The following KCNH1 variants were observed in gnomAD, a reference collection of about 807,000 sequenced individuals.
KCNH1 encodes voltage-gated delayed rectifier potassium channel KCNH1.
KCNH1 carries 27 observed loss-of-function variants against 69.2 expected under a neutral mutation model. The observed-to-expected ratio is 0.39, with a 90% CI of 0.29 to 0.54. The LOEUF (loss-of-function observed/expected upper bound fraction) is 0.54, where lower values mean the gene tolerates loss of function less well. Among genes scored for constraint, KCNH1 ranks in the 20% least tolerant of loss-of-function variants. The pLI, the probability that KCNH1 is intolerant of heterozygous loss-of-function variation, is 0.68. For missense variants in KCNH1, 798 were observed against 1,261.6 expected (o/e 0.63, Z 5.57); for synonymous variants, 456 against 487.7 (o/e 0.93, Z 0.86).
chr1:210,924,396 A>G (rs1687526199), intron 6 of KCNH1, among the ~76,000 whole-genome samples: 1 of 152,230 alleles, frequency 6.6e-6, no homozygotes, highest in African/African-American at 2.4e-5. Context: ...TGAAACAATA[A>G]AAAACAAGCA....
chr1:210,712,906 A>AC (rs1325137889), intron 10 of KCNH1, among the ~76,000 whole-genome samples: 1 of 151,418 alleles, frequency 6.6e-6, no homozygotes, highest in Non-Finnish European at 1.5e-5. Context: ...GCCTTTCCCC[A>AC]CCCCTAGTCC....
intron 5 of KCNH1, among the ~76,000 whole-genome samples, chr1:211,054,695 A>G (rs1690271274): frequency 6.6e-6 from 1 of 152,222 alleles, no homozygotes; most frequent in African/African-American, 2.4e-5. Flanking sequence ...GAAGCAGTTA[A>G]AGTTATTAGC....
intron 10 of KCNH1, among the ~76,000 whole-genome samples, chr1:210,739,872 C>G (rs903439698): frequency 6.6e-6 from 1 of 152,120 alleles, no homozygotes; most frequent in Non-Finnish European, 1.5e-5. Context: ...CAACACAAAC[C>G]CAGTTGAATT....
At chr1:211,099,255 A>G (rs1691214443) in intron 3 of KCNH1, among the ~76,000 whole-genome samples, 1 of 152,166 alleles carries the variant, frequency 6.6e-6, no homozygotes. Flanking sequence ...CAAAAAGGAA[A>G]CACATCAAAG....
intron 7 of KCNH1, among the ~76,000 whole-genome samples, chr1:210,847,832 A>G (rs1466480906): frequency 6.6e-6 from 1 of 152,112 alleles, no homozygotes; most frequent in South Asian, 2.1e-4. Context: ...AAAAAAAGAA[A>G]TTTTTTAGCA....
intron 10 of KCNH1, among the ~76,000 whole-genome samples, chr1:210,715,825 T>A (rs1682219216): frequency 6.6e-6 from 1 of 152,072 alleles, no homozygotes; most frequent in African/African-American, 2.4e-5. Flanking sequence ...TGGGAGTGAC[T>A]GGGATAGGAG....
At chr1:210,688,321 C>A (rs1415071747) in intron 10 of KCNH1, among the ~76,000 whole-genome samples, 1 of 152,182 alleles carries the variant, frequency 6.6e-6, no homozygotes, top group Non-Finnish European at 1.5e-5. Flanking sequence ...GACCTCTTGT[C>A]TCTAACTCAT....
intron 6 of KCNH1, among the ~76,000 whole-genome samples, chr1:210,972,074 T>C (rs1688521345): frequency 1.3e-5 from 2 of 152,136 alleles, no homozygotes; most frequent in South Asian, 4.1e-4. Flanking sequence ...CTAAGTTCTA[T>C]TTATGCTACA....
intron 7 of KCNH1, chr1:210,861,511 T>C: frequency 1.3e-6 from 1 of 774,040 alleles, no homozygotes; most frequent in Non-Finnish European, 2.4e-6. Flanking sequence ...ATTTCCATTA[T>C]GATAACTCAG....
Position 210,847,747 on chromosome 1 carries a change from AAAAT to A in KCNH1, c.1463-43585_1463-43582del, listed in dbSNP as rs1016108564. ...AAGTATAATAATAATAAAATTTTAA[AAAAT>A]AAATAAATAAAAATAAAGATATAAT... On this transcript the variant is annotated intron_variant, in intron 7 of 10. Transcript: ENST00000271751. Among the ~76,000 whole-genome samples the A allele has an allele frequency of 9.2e-5, 14 of 151,940 alleles. No homozygotes were observed. The East Asian group carries it at 1.2e-3, about 13-fold the overall frequency.
chr1:210,795,962 A>AACACACACACAC lies in KCNH1; in HGVS notation c.1915+1534_1915+1545dup, dbSNP rs369505764. On this transcript the variant is annotated intron_variant, in intron 9 of 10. Transcript: ENST00000271751. ...ATGGTGAAACCCCATCTCTACTAAA[A>AACACACACACAC]ACACACACACACACACACACACACA... Among the ~76,000 whole-genome samples, 884 of 136,038 alleles carry AACACACACACAC rather than the reference A, an allele frequency of 6.5e-3. 5 individuals are homozygous for AACACACACACAC. The highest frequency in any genetic ancestry group is 0.018 in the East Asian group (78 of 4,396). The allele number at this position is 136,038 out of a possible 152,430, so 89.2% of individuals were successfully genotyped here.
At chr1:211,067,301 G>C (rs1690550015) in intron 5 of KCNH1, among the ~76,000 whole-genome samples, 1 of 152,226 alleles carries the variant, frequency 6.6e-6, no homozygotes, top group Non-Finnish European at 1.5e-5. Context: ...CCCAGCTTCA[G>C]GGACTGCAAT....
In KCNH1 at chr1:210,812,814, T is replaced by C. The variant is rs545240651; in HGVS notation, c.1463-8648A>G. Among the ~76,000 whole-genome samples the C allele has an allele frequency of 9.7e-4, 148 of 152,302 alleles. 3 individuals are homozygous for C. The South Asian group carries it at 0.03, about 30-fold the overall frequency. ...CACAAGTTAAATTTTCTGCTTTCTATGTTAAGGGAAGCCAAGCAAATCCCT... is the reference window on the plus strand; with the variant it reads ...CACAAGTTAAATTTTCTGCTTTCTACGTTAAGGGAAGCCAAGCAAATCCCT... On this transcript the variant is annotated intron_variant, in intron 7 of 10. Transcript: ENST00000271751.
intron 7 of KCNH1, among the ~76,000 whole-genome samples, chr1:210,891,053 G>T (rs1338563961): frequency 6.6e-6 from 1 of 152,266 alleles, no homozygotes; most frequent in African/African-American, 2.4e-5. Context: ...TATACCCAAA[G>T]GATTATAAAT....
In KCNH1 at chr1:210,683,423, T is replaced by C; in HGVS notation, c.2828A>G (p.Lys943Arg). Reference protein sequence around the residue: ...LKEDIKALNAKMTNIEKQLSE... With the variant: ...LKEDIKALNARMTNIEKQLSE... ...GAGCTGTTTCTCAATATTGGTCATTTTGGCGTTTAAGGCCTTGATGTCCTC... is the reference window on the plus strand; with the variant it reads ...GAGCTGTTTCTCAATATTGGTCATTCTGGCGTTTAAGGCCTTGATGTCCTC... The change falls in exon 11 of 11, where the codon AAA becomes AGA. Residue 943 changes from lysine (K) to arginine (R), a missense_variant. Transcript: ENST00000271751. This position sits in a 1 kb window ranked among gnomAD's most constrained non-coding sequence, Gnocchi z 5.7. The C allele has an allele frequency of 1.2e-6, 2 of 1,614,192 alleles. No homozygotes were observed. Among genetic ancestry groups the C allele is most frequent in the Non-Finnish European group, 1.7e-6 (2 of 1,180,030 alleles).
At chr1:211,065,109 T>C (rs369094898) in intron 5 of KCNH1, among the ~76,000 whole-genome samples, 3 of 152,174 alleles carry the variant, frequency 2.0e-5, no homozygotes, top group African/African-American at 4.8e-5. Flanking sequence ...AGAATGACCA[T>C]ATGATTCACC....
At chr1:210,699,931 C>T (rs1266763019) in intron 10 of KCNH1, among the ~76,000 whole-genome samples, 1 of 152,154 alleles carries the variant, frequency 6.6e-6, no homozygotes, top group Non-Finnish European at 1.5e-5. Flanking sequence ...TTCCTCCTGA[C>T]CAGCTGCCAA....
intron 5 of KCNH1, among the ~76,000 whole-genome samples, chr1:211,073,695 C>T (rs1008134866): frequency 5.3e-5 from 8 of 151,762 alleles, no homozygotes; most frequent in African/African-American, 1.7e-4. Flanking sequence ...AATTAAAATT[C>T]GTGGCATGCA....
chr1:210,998,152 T>A lies in KCNH1; in HGVS notation c.1032+20631A>T, dbSNP rs150686929. 8.6e-4 allele frequency among the ~76,000 whole-genome samples: 131 copies of A among 151,994 alleles called. 1 individual carries two copies. The highest frequency in any genetic ancestry group is 2.1e-3 in the Admixed American group (32 of 15,252). ...ACATCACAATGACAGGACCAAATAC[T>A]GCATAACAATATTAACTTTAAATGT... On this transcript the variant is annotated intron_variant, in intron 6 of 10. Coordinates refer to ENST00000271751, the MANE Select transcript of KCNH1 (RefSeq NM_172362.3).
Sources: allele counts gnomAD v4.1 joint callset (sites outside exome capture counted in the v4.1 genomes callset), GRCh38; gene constraint gnomAD v4.1.1; non-coding constraint Gnocchi (gnomAD v3.1); transcripts MANE v1.5; gene names NCBI Gene and HGNC (gene_info 2026-07-23, HGNC 2026-07-21).